Variants in HIPK2 observed in about 807,000 individuals in gnomAD.
The protein encoded by HIPK2 is homeodomain-interacting protein kinase 2.
A neutral mutation model predicts 113.7 loss-of-function variants in HIPK2; 27 were observed. The observed-to-expected ratio is 0.24, with a 90% CI of 0.17 to 0.33. The LOEUF (loss-of-function observed/expected upper bound fraction) is 0.33. Ranked by LOEUF, HIPK2 falls within the 10% of genes least tolerant of loss-of-function variation. The probability of loss-of-function intolerance (pLI) is 1.00; values close to 1 mark genes in which losing one functional copy is unlikely to be tolerated. For missense variants in HIPK2, 1,257 were observed against 1,588.0 expected, an observed-to-expected ratio of 0.79 and a Z score of 3.54; for synonymous variants, 631 against 642.2, an observed-to-expected ratio of 0.98 and a Z score of 0.26.
At position 139,706,632 on chromosome 7, in the gene HIPK2, C is replaced by A. The variant is rs908248923; in HGVS notation, c.1103+9300G>T. On this transcript the variant is annotated intron_variant, in intron 2 of 14. Coordinates refer to ENST00000406875, the MANE Select transcript of HIPK2 (RefSeq NM_022740.5). ...TGGAGCTTGTATTTCAGCTTTCAGC[C>A]CCTCCCCTGCTCTGGAATTCTATCT... Among the ~76,000 whole-genome samples the A allele has an allele frequency of 3.9e-5, 6 of 152,264 alleles. 1 individual carries two copies. In the Middle Eastern group the frequency reaches 0.02, roughly 518 times the overall value.
intron 2 of HIPK2, among the ~76,000 whole-genome samples, chr7:139,679,028 C>A (rs182026531): frequency 2.6e-5 from 4 of 152,176 alleles, no homozygotes; most frequent in African/African-American, 9.7e-5. Flanking sequence ...TGAGACTTTG[C>A]TGAAGTTGCT....
At chr7:139,721,174 G>T (rs557305139) in intron 1 of HIPK2, among the ~76,000 whole-genome samples, 13 of 152,332 alleles carry the variant, frequency 8.5e-5, no homozygotes, top group Non-Finnish European at 1.3e-4. Flanking sequence ...CAGTGCAGAC[G>T]TGTTACCTTT....
In HIPK2 at chr7:139,716,422, A is replaced by C. The variant is rs749431014; in HGVS notation, c.613T>G (p.Leu205Val). ...MTNTYEVLEF[L>V]GRGTFGQVVK... ...ACTTGCCCAAACGTCCCTCGGCCCA[A>C]GAACTCTAAGACCTCGTAGGTGTTG... Residue 205 changes from leucine (L) to valine (V), a missense_variant, in exon 2 of 15, where the codon TTG (leucine) becomes GTG (valine). Physicochemically the swap from Leu to Val is conservative, Grantham distance 32 (BLOSUM62 1). Coordinates refer to ENST00000406875, the MANE Select transcript of HIPK2 (RefSeq NM_022740.5). This position sits in a 1 kb window ranked among gnomAD's most constrained non-coding sequence, Gnocchi z 9.3. 4 of 1,613,992 alleles carry C rather than the reference A, an allele frequency of 2.5e-6. No individual in the cohort carries two copies. Among genetic ancestry groups the C allele is most frequent in the Non-Finnish European group, 3.4e-6 (4 of 1,179,906 alleles).
At chr7:139,668,455 G>A (rs1335603818) in intron 2 of HIPK2, among the ~76,000 whole-genome samples, 1 of 151,680 alleles carries the variant, frequency 6.6e-6, no homozygotes, top group African/African-American at 2.4e-5. Flanking sequence ...CCAGCTACTC[G>A]GGAGGCTGAG....
chr7:139,712,398 A>G (rs1795098847), intron 2 of HIPK2, among the ~76,000 whole-genome samples: 1 of 152,254 alleles, frequency 6.6e-6, no homozygotes, highest in African/African-American at 2.4e-5. Context: ...CACTTAGCCC[A>G]GTCCCATGCA....
rs1050485172 is a variant in HIPK2, at chr7:139,604,146, T to C, written c.2190A>G (p.Thr730=). 1.1e-5 allele frequency: 17 copies of C among 1,613,984 alleles called. No homozygotes were observed. Among genetic ancestry groups the C allele is most frequent in the East Asian group, 2.2e-5 (1 of 44,878 alleles). The change falls in exon 10 of 15, where the codon ACA becomes ACG. Residue 730 remains threonine (T), a synonymous_variant. Coordinates refer to ENST00000406875, the MANE Select transcript of HIPK2 (RefSeq NM_022740.5). ...GAATCACGGTGGCATGCTGCACTGA[T>C]GTGTGGGTGGCCACTCCAGTCAGTT... The part of the protein sequence containing the change: ...WQQLTGVATH[T]SVQHATVIPE...
intron 2 of HIPK2, among the ~76,000 whole-genome samples, chr7:139,634,828 C>T (rs574545288): frequency 3.9e-5 from 6 of 151,980 alleles, no homozygotes; most frequent in Admixed American, 2.6e-4. Flanking sequence ...CAGGCACCTA[C>T]CACCAGGTCT....
At chr7:139,626,289 G>A (rs1039687260) in intron 6 of HIPK2, among the ~76,000 whole-genome samples, 2 of 151,904 alleles carry the variant, frequency 1.3e-5, no homozygotes, top group Non-Finnish European at 2.9e-5. Context: ...TTTTAGTAGA[G>A]ACAGGGTTTC....
chr7:139,562,649 G>C lies in HIPK2; in HGVS notation c.*10278C>G, dbSNP rs776284095. The C allele has an allele frequency of 3.9e-5, 6 of 152,280 alleles. No individual in the cohort carries two copies. The highest frequency in any genetic ancestry group is 8.8e-5 in the Non-Finnish European group (6 of 68,080). 9.4% of individuals were successfully genotyped at this position (152,280 alleles called of 1,614,324 possible). A position where few individuals can be genotyped will look rare whatever the true frequency, so the allele number is the denominator to read the frequency against. On this transcript the variant is annotated 3_prime_UTR_variant, in exon 15 of 15. Coordinates refer to ENST00000406875, the MANE Select transcript of HIPK2 (RefSeq NM_022740.5). ...GAAGCTGGGACCCAGTGAGACAGCA[G>C]CAGCACCCTACAGGGCCTGCTGGCT...
rs547691856 is a variant in HIPK2 at position 139,763,472 on chromosome 7, G to GCCCCCCCCC, written c.19+14124_19+14132dup. ...TAGGAGTAAGATTTTGCCGGAACAC[G>GCCCCCCCCC]CCCCCCCCCCCACACGCCCCTCCCA... On this transcript the variant is annotated intron_variant, in intron 1 of 14. Transcript: ENST00000406875. 6.9e-5 allele frequency among the ~76,000 whole-genome samples: 7 copies of GCCCCCCCCC among 100,808 alleles called. 1 individual carries two copies. The highest frequency in any genetic ancestry group is 3.6e-4 in the African/African-American group (7 of 19,554). 66.1% of individuals were successfully genotyped at this position (100,808 alleles called of 152,430 possible). A position where few individuals can be genotyped will look rare whatever the true frequency, so the allele number is the denominator to read the frequency against.
chr7:139,761,849 T>C (rs1439655285), intron 1 of HIPK2, among the ~76,000 whole-genome samples: 2 of 151,900 alleles, frequency 1.3e-5, no homozygotes, highest in Non-Finnish European at 2.9e-5. Flanking sequence ...AATAAAACAG[T>C]AATACATCAT....
At position 139,572,764 on chromosome 7, in the gene HIPK2, G is replaced by GCCCCCCCCCCCCCCCCC. The variant is rs71170903; in HGVS notation, c.*146_*162dup. 2 of 29,328 alleles carry GCCCCCCCCCCCCCCCCC rather than the reference G, an allele frequency of 6.8e-5. No homozygotes were observed. Among genetic ancestry groups the GCCCCCCCCCCCCCCCCC allele is most frequent in the African/African-American group, 1.4e-4 (1 of 7,084 alleles). 1.8% of individuals were successfully genotyped at this position (29,328 alleles called of 1,614,324 possible). A position where few individuals can be genotyped will look rare whatever the true frequency, so the allele number is the denominator to read the frequency against. On this transcript the variant is annotated 3_prime_UTR_variant, in exon 15 of 15. Coordinates refer to ENST00000406875, the MANE Select transcript of HIPK2 (RefSeq NM_022740.5). Reference sequence around the variant, plus strand: ...GTCCCGACCCGTCCCCCTGCCCTCTGCCCCCCCCCCCCCCCCCGCCCCTGC... The same window carrying GCCCCCCCCCCCCCCCCC: ...GTCCCGACCCGTCCCCCTGCCCTCTGCCCCCCCCCCCCCCCCCCCCCCCCCCCCCCCCCCGCCCCTGC...
chr7:139,713,589 G>A (rs966686706), intron 2 of HIPK2, among the ~76,000 whole-genome samples: 1 of 152,178 alleles, frequency 6.6e-6, no homozygotes, highest in African/African-American at 2.4e-5. Context: ...AGAGTTTGTC[G>A]AAGTCTTTTT....
chr7:139,660,208 A>G (rs1801818864), intron 2 of HIPK2, among the ~76,000 whole-genome samples: 1 of 152,200 alleles, frequency 6.6e-6, no homozygotes, highest in African/African-American at 2.4e-5. Context: ...AGTAGGAAGT[A>G]GGCACCCTTG....
intron 1 of HIPK2, among the ~76,000 whole-genome samples, chr7:139,745,851 T>C (rs1014923336): frequency 6.6e-5 from 10 of 152,168 alleles, no homozygotes; most frequent in African/African-American, 2.4e-4. Flanking sequence ...GTTTACTGAA[T>C]TGAGAGGTCA....
In HIPK2 at chr7:139,620,967, T is replaced by G. The variant is rs1188122903; in HGVS notation, c.1620-404A>C. On this transcript the variant is annotated intron_variant, in intron 6 of 14. Coordinates refer to ENST00000406875, the MANE Select transcript of HIPK2 (RefSeq NM_022740.5). ...ATTAACTAGTCACTTATAACCCGCC[T>G]CCACCTTTCCCAAAGACAACCCTTG... Among the ~76,000 whole-genome samples, 4 of 152,134 alleles carry G rather than the reference T, an allele frequency of 2.6e-5. No homozygotes were observed. The East Asian group carries it at 7.7e-4, about 29-fold the overall frequency.
intron 2 of HIPK2, among the ~76,000 whole-genome samples, chr7:139,681,385 G>A (rs1281629500): frequency 3.3e-5 from 5 of 152,060 alleles, no homozygotes; most frequent in Non-Finnish European, 7.4e-5. Context: ...CTTTATTAGC[G>A]GATTTCAAAA....
intron 1 of HIPK2, among the ~76,000 whole-genome samples, chr7:139,765,100 C>T (rs536118779): frequency 6.6e-6 from 1 of 151,350 alleles, no homozygotes; most frequent in Non-Finnish European, 1.5e-5. Flanking sequence ...CATGCCACTA[C>T]ACTCCAGTCT....
chr7:139,626,598 T>C lies in HIPK2; in HGVS notation c.1619+3A>G. ...GGTACGAAGCATCAGGCAGGACACC[T>C]ACTGTGTGCTGTGGGGAAAATCGAG... On this transcript the variant is annotated splice_donor_region_variant and intron_variant, in intron 6 of 14. Transcript: ENST00000406875. 1 of 1,612,872 alleles carries C rather than the reference T, an allele frequency of 6.2e-7. No homozygotes were observed. Among genetic ancestry groups the C allele is most frequent in the Non-Finnish European group, 8.5e-7 (1 of 1,179,290 alleles).
Sources: gnomAD v4.1 joint callset for allele counts (sites outside exome capture counted in the v4.1 genomes callset) on GRCh38, gnomAD v4.1.1 for gene constraint, Gnocchi (gnomAD v3.1) non-coding constraint, MANE v1.5 for transcripts, NCBI Gene and HGNC (gene_info 2026-07-23, HGNC 2026-07-21) for gene names.